BTBD2: variants seen among roughly 807,000 people sequenced by gnomAD.
BTBD2 encodes BTB/POZ domain-containing protein 2.
A neutral mutation model predicts 44.0 loss-of-function variants in BTBD2; 15 were observed. The ratio of observed to expected loss-of-function variants is 0.34; its 90% confidence interval spans 0.23 to 0.53. The LOEUF (loss-of-function observed/expected upper bound fraction) is 0.53, where lower values mean the gene tolerates loss of function less well. Ranked by LOEUF, BTBD2 falls within the 20% of genes least tolerant of loss-of-function variation. The pLI is 0.95. For synonymous variants in BTBD2, 443 were observed against 335.9 expected, an observed-to-expected ratio of 1.32 and a Z score of -3.49; for missense variants, 657 against 746.4, an observed-to-expected ratio of 0.88 and a Z score of 1.39.
chr19:1,987,950 C>G (rs1002064061), intron 5 of BTBD2: 3 of 505,622 alleles, frequency 5.9e-6, no homozygotes, highest in African/African-American at 2.0e-5. Context: ...GACAGATGCA[C>G]TCACTCAGGG....
At chr19:1,997,504 G>A (rs371373046) in intron 1 of BTBD2, 41 bp from the exon 2 acceptor site, 98 of 1,609,994 alleles carry the variant, frequency 6.1e-5, no homozygotes, top group South Asian at 9.9e-5. Flanking sequence ...GCCCGTGGCC[G>A]CCACCCCACG....
chr19:1,987,381 C>G (rs1432146638), intron 6 of BTBD2, 119 bp downstream of exon 6: 18 of 1,378,240 alleles, frequency 1.3e-5, no homozygotes, highest in Non-Finnish European at 9.6e-7. Flanking sequence ...GCCCGGCGGC[C>G]CCCCCGCCGT....
In BTBD2 at chr19:1,993,122, T is replaced by C; in HGVS notation, c.582A>G (p.Leu194=). 1 of 1,608,308 alleles carries C rather than the reference T, an allele frequency of 6.2e-7. No individual in the cohort carries two copies. Among genetic ancestry groups the C allele is most frequent in the Non-Finnish European group, 8.5e-7 (1 of 1,179,804 alleles). The part of the protein sequence containing the change: ...QIGPETVMTT[L]YTAKKYAVPA... ...GCACCGCGTACTTCTTGGCGGTGTATAGCGTGGTCATCACCGTCTCCGGGC... is the reference window on the plus strand; with the variant it reads ...GCACCGCGTACTTCTTGGCGGTGTACAGCGTGGTCATCACCGTCTCCGGGC... Residue 194 remains leucine, a synonymous_variant, in exon 3 of 9, where the codon CTA becomes CTG. Coordinates refer to ENST00000255608, the MANE Select transcript of BTBD2 (RefSeq NM_017797.4).
At chr19:1,987,871 G>A in intron 5 of BTBD2, 179 bp from the exon 6 acceptor site, 1 of 627,242 alleles carries the variant, frequency 1.6e-6, no homozygotes, top group African/African-American at 1.8e-5. Context: ...TGGGCTTTTA[G>A]GGAGAGGTCC....
chr19:1,991,552 G>A (rs897213917), intron 3 of BTBD2, among the ~76,000 whole-genome samples: 6 of 152,174 alleles, frequency 3.9e-5, no homozygotes, highest in African/African-American at 1.4e-4. Context: ...CCAGCAAGGC[G>A]ACCAGATGAC....
In BTBD2 at chr19:2,011,004, G is replaced by T. The variant is rs534007708; in HGVS notation, c.407+4293C>A. Among the ~76,000 whole-genome samples, 54 of 152,056 alleles carry T rather than the reference G, an allele frequency of 3.6e-4. 1 individual carries two copies. Among genetic ancestry groups the T allele is most frequent in the Non-Finnish European group, 6.5e-4 (44 of 68,010 alleles). ...TGTCAGCAACCCATCGGGTCCGTTT[G>T]TTCCCACAGCCCCAGGACAGATGTG... is the stretch of plus-strand genomic sequence containing the variant. On this transcript the variant is annotated intron_variant, in intron 1 of 8. Transcript: ENST00000255608.
intron 2 of BTBD2, among the ~76,000 whole-genome samples, chr19:1,994,940 A>T (rs1312028453): frequency 6.6e-6 from 1 of 152,052 alleles, no homozygotes; most frequent in Non-Finnish European, 1.5e-5. Context: ...GGTCAAACCC[A>T]ATGTCATGAA....
intron 1 of BTBD2, among the ~76,000 whole-genome samples, chr19:2,007,458 T>C (rs1469815500): frequency 6.6e-6 from 1 of 152,168 alleles, no homozygotes; most frequent in Admixed American, 6.6e-5. Context: ...CCTGTGTCTT[T>C]TATCTGTTTT....
At chr19:2,007,737 A>G (rs2016412738) in intron 1 of BTBD2, among the ~76,000 whole-genome samples, 1 of 152,118 alleles carries the variant, frequency 6.6e-6, no homozygotes, top group African/African-American at 2.4e-5. Context: ...GAGGCAAGAG[A>G]ACTGCCGGGA....
rs36020359 is a variant in BTBD2 at position 1,990,136 on chromosome 19, C to T, written c.856G>A (p.Val286Ile). The T allele has an allele frequency of 5.8e-5, 94 of 1,612,010 alleles. No individual in the cohort carries two copies. Among genetic ancestry groups the T allele is most frequent in the East Asian group, 6.7e-5 (3 of 44,870 alleles). ...GIREVRLFNA[V>I]VRWSEAECQR... is the part of the protein sequence containing the mutation. ...CACTCGGCCTCGGACCAGCGGACAA[C>T]GGCATTGAACAGCCGCACCTCACGG... Residue 286 changes from valine (V) to isoleucine (I), a missense_variant, in exon 5 of 9, where the codon GTT becomes ATT. Val to Ile is a conservative substitution (Grantham distance 29). Transcript: ENST00000255608.
chr19:2,000,348 C>T (rs1016005601), intron 1 of BTBD2, among the ~76,000 whole-genome samples: 1 of 152,236 alleles, frequency 6.6e-6, no homozygotes, highest in African/African-American at 2.4e-5. Context: ...AAATAGAGTA[C>T]CTGTGCGTGG....
intron 1 of BTBD2, among the ~76,000 whole-genome samples, chr19:2,009,194 G>T (rs1599360654): frequency 9.4e-6 from 1 of 106,734 alleles, no homozygotes; most frequent in South Asian, 3.0e-4. Context: ...AATTTTTGTG[G>T]TTTTTCTTTT....
chr19:1,997,622 G>T (rs1212538290), intron 1 of BTBD2, among the ~76,000 whole-genome samples, 159 bp from the exon 2 acceptor site: 1 of 152,234 alleles, frequency 6.6e-6, no homozygotes, highest in Non-Finnish European at 1.5e-5. Context: ...TCTGGAAGGG[G>T]CCTGGGACAG....
intron 1 of BTBD2, among the ~76,000 whole-genome samples, chr19:2,015,042 AGGACCGGAG>A (rs1464837663): frequency 2.1e-5 from 3 of 145,388 alleles, no homozygotes; most frequent in Admixed American, 6.8e-5. Context: ...GGTCGGTTTC[AGGACCGGAG>A]GGGTGCAGGG....
chr19:1,994,640 T>C (rs966530174), intron 2 of BTBD2, among the ~76,000 whole-genome samples: 4 of 151,654 alleles, frequency 2.6e-5, no homozygotes, highest in Non-Finnish European at 4.4e-5. Flanking sequence ...GTGCCTGTAG[T>C]CCCAGGTACT....
chr19:2,000,578 C>T (rs907352016), intron 1 of BTBD2, among the ~76,000 whole-genome samples: 5 of 152,200 alleles, frequency 3.3e-5, no homozygotes, highest in Admixed American at 1.3e-4. Flanking sequence ...TCCCTGGAGA[C>T]ACCTGCATGG....
At chr19:1,991,569 A>C (rs1220465321) in intron 3 of BTBD2, among the ~76,000 whole-genome samples, 1 of 152,192 alleles carries the variant, frequency 6.6e-6, no homozygotes, top group Admixed American at 6.5e-5. Context: ...TGACCCGGAC[A>C]AGAAACCCCT....
intron 5 of BTBD2, chr19:1,988,705 G>C (rs2016129522): frequency 6.7e-6 from 1 of 149,840 alleles, no homozygotes; most frequent in African/African-American, 2.5e-5. Flanking sequence ...CAGGGTTCAA[G>C]CAATTCTCCT....
chr19:1,991,049 C>G, intron 3 of BTBD2: 1 of 500,438 alleles, frequency 2.0e-6, no homozygotes, highest in Non-Finnish European at 3.6e-6. Context: ...CTCTCAGGAC[C>G]TCAGAGGCCA....
Sources: allele counts gnomAD v4.1 joint callset (sites outside exome capture counted in the v4.1 genomes callset), GRCh38; gene constraint gnomAD v4.1.1; transcripts MANE v1.5; gene names NCBI Gene and HGNC (gene_info 2026-07-23, HGNC 2026-07-21).